The following CEMIP variants were observed in gnomAD, a reference collection of about 807,000 sequenced individuals.
CEMIP encodes the protein cell migration-inducing and hyaluronan-binding protein.
In CEMIP, 105 loss-of-function variants were observed where a neutral mutation model predicts 156.9. That is an observed-to-expected ratio of 0.67 (90% CI 0.57 to 0.79). The LOEUF (loss-of-function observed/expected upper bound fraction) is 0.79. Ranked by LOEUF, CEMIP falls within the 30% of genes least tolerant of loss-of-function variation. CEMIP has a pLI of 0.00. For missense variants in CEMIP, 1,457 were observed against 1,769.4 expected, an observed-to-expected ratio of 0.82 and a Z score of 3.17; for synonymous variants, 676 against 668.4, an observed-to-expected ratio of 1.01 and a Z score of -0.17.
At chr15:80,826,337 T>C (rs1258202908) in intron 1 of CEMIP, among the ~76,000 whole-genome samples, 1 of 152,228 alleles carries the variant, frequency 6.6e-6, no homozygotes, top group Non-Finnish European at 1.5e-5. Context: ...TGGTGCATAG[T>C]AACCTTTAGT....
rs1009766091 is a variant in CEMIP, at chr15:80,918,127, T to C, written c.1798-1967T>C. Reference sequence around the variant, plus strand: ...CCATCTCTACCAAAAATACAAAAATTAGTCATTCGTGGTGGTGCAAACTTG... The same window carrying C: ...CCATCTCTACCAAAAATACAAAAATCAGTCATTCGTGGTGGTGCAAACTTG... On this transcript the variant is annotated intron_variant, in intron 14 of 29. Transcript: ENST00000394685. 2.0e-5 allele frequency among the ~76,000 whole-genome samples: 3 copies of C among 152,020 alleles called. No homozygotes were observed. In the East Asian group the frequency reaches 5.8e-4, roughly 29 times the overall value.
intron 7 of CEMIP, among the ~76,000 whole-genome samples, chr15:80,885,530 G>T (rs1898804545): frequency 6.6e-6 from 1 of 152,192 alleles, no homozygotes; most frequent in Non-Finnish European, 1.5e-5. Context: ...AATTTACAGT[G>T]AGAGTTAGAA....
chr15:80,927,239 C>T (rs1900730658), intron 19 of CEMIP, among the ~76,000 whole-genome samples: 3 of 152,134 alleles, frequency 2.0e-5, no homozygotes, highest in Admixed American at 6.5e-5. Context: ...GGGAAGGGGG[C>T]AGGGTTGTTC....
intron 14 of CEMIP, among the ~76,000 whole-genome samples, chr15:80,917,743 T>A (rs577055479): frequency 6.6e-6 from 1 of 152,326 alleles, no homozygotes; most frequent in Admixed American, 6.5e-5. Context: ...CAGAAAACCA[T>A]GCTTTCTGCC....
Position 80,950,754 on chromosome 15 carries a change from A to T in CEMIP, c.*1830A>T, listed in dbSNP as rs1162336597. The T allele has an allele frequency of 6.5e-6, 1 of 152,800 alleles. No homozygotes were observed. Among genetic ancestry groups the T allele is most frequent in the Non-Finnish European group, 1.5e-5 (1 of 68,152 alleles). The allele number at this position is 152,800 out of a possible 1,614,324, so 9.5% of individuals were successfully genotyped here. A position where few individuals can be genotyped will look rare whatever the true frequency, so the allele number is the denominator to read the frequency against. On this transcript the variant is annotated 3_prime_UTR_variant, in exon 30 of 30. Transcript: ENST00000394685. ...CCCTGGCCCACCTTATAGAGAGCCC[A>T]AAGAGCTCCTGTAAGAGGGAGAACT...
chr15:80,791,967 C>G (rs969156843), intron 1 of CEMIP, among the ~76,000 whole-genome samples: 1 of 152,168 alleles, frequency 6.6e-6, no homozygotes, highest in African/African-American at 2.4e-5. Context: ...TCTGGTCTGC[C>G]GATGCCCCCT....
At chr15:80,881,569 C>T (rs1567081363) in intron 6 of CEMIP, among the ~76,000 whole-genome samples, 1 of 152,192 alleles carries the variant, frequency 6.6e-6, no homozygotes, top group East Asian at 1.9e-4. Flanking sequence ...AAGGGCATGA[C>T]ATTCTCAAAC....
At chr15:80,844,459 T>C (rs1897505385) in intron 1 of CEMIP, among the ~76,000 whole-genome samples, 1 of 152,210 alleles carries the variant, frequency 6.6e-6, no homozygotes, top group African/African-American at 2.4e-5. Context: ...GCCAGGTGAC[T>C]GCTTTGCCCT....
chr15:80,869,747 A>G (rs1318128730), intron 1 of CEMIP, among the ~76,000 whole-genome samples: 3 of 152,116 alleles, frequency 2.0e-5, no homozygotes, highest in Non-Finnish European at 2.9e-5. Context: ...AGTGATATAT[A>G]TGAGTTGACA....
At chr15:80,893,560 C>A (rs1482290483) in intron 10 of CEMIP, among the ~76,000 whole-genome samples, 1 of 152,180 alleles carries the variant, frequency 6.6e-6, no homozygotes. Context: ...GGGAAAACTT[C>A]AGGAGGCCCG....
intron 1 of CEMIP, among the ~76,000 whole-genome samples, chr15:80,815,883 C>T (rs1163458147): frequency 1.3e-5 from 2 of 152,102 alleles, no homozygotes; most frequent in South Asian, 2.1e-4. Flanking sequence ...CCATACAGCT[C>T]GGTGGATGGT....
At chr15:80,815,338 C>T (rs1017153110) in intron 1 of CEMIP, among the ~76,000 whole-genome samples, 1 of 152,242 alleles carries the variant, frequency 6.6e-6, no homozygotes, top group Admixed American at 6.5e-5. Context: ...AACGCTCTGT[C>T]CCTATCTAGC....
intron 17 of CEMIP, among the ~76,000 whole-genome samples, chr15:80,923,452 C>T (rs146901790): frequency 1.3e-5 from 2 of 152,196 alleles, no homozygotes; most frequent in African/African-American, 4.8e-5. Flanking sequence ...CTTCCATGAG[C>T]AGGGAGGTGG....
chr15:80,878,931 T>C, intron 4 of CEMIP, 64 bp downstream of exon 4: 1 of 1,601,888 alleles, frequency 6.2e-7, no homozygotes, highest in South Asian at 1.1e-5. Context: ...GCAGATAGGA[T>C]GCAGGTTGCC....
intron 1 of CEMIP, among the ~76,000 whole-genome samples, chr15:80,835,079 T>C (rs541095066): frequency 1.7e-4 from 20 of 118,172 alleles, no homozygotes; most frequent in African/African-American, 6.3e-4. Context: ...GAGTCCTCAT[T>C]GCAGAGAGAG....
intron 19 of CEMIP, among the ~76,000 whole-genome samples, chr15:80,927,986 C>T (rs918621450): frequency 5.3e-5 from 8 of 152,156 alleles, no homozygotes; most frequent in Non-Finnish European, 1.2e-4. Context: ...ATGCCTGCCA[C>T]CAGGACCAGC....
chr15:80,908,271 C>G (rs1388078982), intron 13 of CEMIP, among the ~76,000 whole-genome samples: 2 of 152,200 alleles, frequency 1.3e-5, no homozygotes, highest in Non-Finnish European at 2.9e-5. Context: ...TCAGGGGACT[C>G]TTTCCCACTG....
chr15:80,794,270 T>C (rs900741841), intron 1 of CEMIP, among the ~76,000 whole-genome samples: 1 of 152,242 alleles, frequency 6.6e-6, no homozygotes, highest in African/African-American at 2.4e-5. Flanking sequence ...CATATTCATA[T>C]GACTATTTTT....
At chr15:80,856,021 A>C (rs576794194) in intron 1 of CEMIP, among the ~76,000 whole-genome samples, 1 of 152,376 alleles carries the variant, frequency 6.6e-6, no homozygotes, top group East Asian at 1.9e-4. Flanking sequence ...AAAGGTCTAC[A>C]TACTGGATCA....
Sources: gnomAD v4.1 joint callset for allele counts (sites outside exome capture counted in the v4.1 genomes callset) on GRCh38, gnomAD v4.1.1 for gene constraint, MANE v1.5 for transcripts, NCBI Gene and HGNC (gene_info 2026-07-23, HGNC 2026-07-21) for gene names.